MNAT1: variants seen among roughly 807,000 people sequenced by gnomAD.
MNAT1 encodes the protein MNAT1 component of CDK activating kinase, also known as CDK-activating kinase assembly factor MAT1.
Under a neutral mutation model 42.0 loss-of-function variants are expected in MNAT1, and 43 were observed. The observed-to-expected ratio is 1.02, with a 90% CI of 0.80 to 1.32. The LOEUF is 1.32. MNAT1 is among the 40% of genes most tolerant of loss of function. The pLI, the probability that MNAT1 is intolerant of heterozygous loss-of-function variation, is 0.00. For missense variants in MNAT1, 306 were observed against 350.4 expected, an observed-to-expected ratio of 0.87 and a Z score of 1.01; for synonymous variants, 118 against 120.0, an observed-to-expected ratio of 0.98 and a Z score of 0.11.
intron 6 of MNAT1, among the ~76,000 whole-genome samples, chr14:60,873,274 CTTGCAGTATGTTTT>C (rs1175949729): frequency 6.6e-6 from 1 of 151,592 alleles, no homozygotes; most frequent in African/African-American, 2.4e-5. Flanking sequence ...GGCCACTTGT[CTTGCAGTATGTTTT>C]TTTCTGATTT....
At chr14:60,922,286 T>C (rs1251272375) in intron 7 of MNAT1, among the ~76,000 whole-genome samples, 1 of 152,166 alleles carries the variant, frequency 6.6e-6, no homozygotes, top group Non-Finnish European at 1.5e-5. Context: ...AGTTTTCTAT[T>C]GCTCATGATG....
rs753963139 is a variant in MNAT1, at chr14:60,808,451, C to T, written c.420+23C>T. On this transcript the variant is annotated intron_variant, in intron 4 of 7. Transcript: ENST00000261245. ...CTGGTCGGTTGCTAAGTATTTTCTT[C>T]TTATTTTGTCTTAGAAACAAATGTT... The T allele has an allele frequency of 3.0e-6, 4 of 1,331,586 alleles. No homozygotes were observed. In the Admixed American group the frequency reaches 9.4e-5, roughly 31 times the overall value. The allele number at this position is 1,331,586 out of a possible 1,614,324, so 82.5% of individuals were successfully genotyped here. A position where few individuals can be genotyped will look rare whatever the true frequency, so the allele number is the denominator to read the frequency against.
At chr14:60,889,415 T>C (rs2034775629) in intron 7 of MNAT1, among the ~76,000 whole-genome samples, 1 of 152,150 alleles carries the variant, frequency 6.6e-6, no homozygotes, top group South Asian at 2.1e-4. Flanking sequence ...AAGCTGAAAC[T>C]GGATCCCTTC....
At chr14:60,950,585 A>G (rs1013957264) in intron 7 of MNAT1, among the ~76,000 whole-genome samples, 2 of 152,092 alleles carry the variant, frequency 1.3e-5, no homozygotes, top group African/African-American at 4.8e-5. Flanking sequence ...TTAAAACATT[A>G]TGACTTTTTG....
At position 60,839,961 on chromosome 14, in the gene MNAT1, G is replaced by A. The variant is rs552169406; in HGVS notation, c.687+21114G>A. ...TGAGCCGTGCACAGCGTATCAGGCC[G>A]AGGGGGTGGAATGAGCCCAGCGGGC... On this transcript the variant is annotated intron_variant, in intron 6 of 7. Coordinates refer to ENST00000261245, the MANE Select transcript of MNAT1 (RefSeq NM_002431.4). 2.1e-3 allele frequency among the ~76,000 whole-genome samples: 323 copies of A among 152,340 alleles called. 2 individuals carry two copies. Among genetic ancestry groups the A allele is most frequent in the African/African-American group, 7.4e-3 (308 of 41,586 alleles).
intron 1 of MNAT1, among the ~76,000 whole-genome samples, chr14:60,763,341 G>A (rs1029155226): frequency 6.6e-6 from 1 of 152,132 alleles, no homozygotes; most frequent in Non-Finnish European, 1.5e-5. Context: ...TTAAAGTGGA[G>A]TGGTTTATTA....
chr14:60,841,564 T>C (rs2033554416), intron 6 of MNAT1, among the ~76,000 whole-genome samples: 3 of 152,196 alleles, frequency 2.0e-5, no homozygotes, highest in Admixed American at 2.0e-4. Flanking sequence ...ATATTTATGC[T>C]AGCTGTATTA....
intron 7 of MNAT1, among the ~76,000 whole-genome samples, chr14:60,920,547 G>A (rs986117189): frequency 3.9e-5 from 6 of 151,996 alleles, no homozygotes; most frequent in African/African-American, 1.5e-4. Context: ...AGCCTCCTGA[G>A]TAGCTGGGAT....
chr14:60,802,574 C>T (rs1371329090), intron 3 of MNAT1, among the ~76,000 whole-genome samples: 1 of 151,938 alleles, frequency 6.6e-6, no homozygotes, highest in Non-Finnish European at 1.5e-5. Context: ...GGGGCCATTA[C>T]AGTAATTTGG....
chr14:60,923,544 A>G (rs1332523175), intron 7 of MNAT1, among the ~76,000 whole-genome samples: 1 of 152,244 alleles, frequency 6.6e-6, no homozygotes, highest in African/African-American at 2.4e-5. Flanking sequence ...CATCATTTAC[A>G]GTATTTCATA....
intron 6 of MNAT1, among the ~76,000 whole-genome samples, chr14:60,848,797 G>A (rs533564218): frequency 3.3e-5 from 5 of 152,146 alleles, no homozygotes; most frequent in Admixed American, 3.3e-4. Flanking sequence ...ATCTTAATAA[G>A]ATGTTTTCCT....
At chr14:60,780,068 A>G (rs2140313409) in intron 1 of MNAT1, 1 of 1,474,274 alleles carries the variant, frequency 6.8e-7, no homozygotes, top group Non-Finnish European at 9.5e-7. Flanking sequence ...CATCAACAGC[A>G]TTTTATATCA....
At chr14:60,963,496 C>G (rs1026410470) in intron 7 of MNAT1, among the ~76,000 whole-genome samples, 13 of 152,106 alleles carry the variant, frequency 8.5e-5, no homozygotes, top group Admixed American at 3.9e-4. Flanking sequence ...CACTGTTGCT[C>G]TGGTTGTTTT....
chr14:60,782,523 T>G (rs1049462377), intron 1 of MNAT1, among the ~76,000 whole-genome samples: 1 of 152,194 alleles, frequency 6.6e-6, no homozygotes, highest in Non-Finnish European at 1.5e-5. Context: ...CTTTAACAGT[T>G]GTAATCCTTG....
intron 7 of MNAT1, among the ~76,000 whole-genome samples, chr14:60,888,713 C>G (rs2034751502): frequency 7.1e-6 from 1 of 141,112 alleles, no homozygotes; most frequent in South Asian, 2.5e-4. Flanking sequence ...CGTCTCAGCC[C>G]AAAATCTCCT....
intron 3 of MNAT1, among the ~76,000 whole-genome samples, chr14:60,799,780 G>A (rs1251557098): frequency 6.6e-6 from 1 of 151,818 alleles, no homozygotes. Context: ...TAATTTGAAG[G>A]TGTGGACAAC....
At chr14:60,783,965 G>A (rs920733300) in intron 1 of MNAT1, among the ~76,000 whole-genome samples, 1 of 151,998 alleles carries the variant, frequency 6.6e-6, no homozygotes, top group African/African-American at 2.4e-5. Flanking sequence ...AAGTAGCTGG[G>A]ACTACAGGCC....
chr14:60,890,436 A>G (rs1056632788), intron 7 of MNAT1, among the ~76,000 whole-genome samples: 16 of 152,172 alleles, frequency 1.1e-4, no homozygotes, highest in Non-Finnish European at 1.8e-4. Flanking sequence ...AGAGGGACAG[A>G]ACTAATAGAT....
At chr14:60,829,949 T>C (rs1334185012) in intron 6 of MNAT1, among the ~76,000 whole-genome samples, 1 of 152,132 alleles carries the variant, frequency 6.6e-6, no homozygotes, top group East Asian at 1.9e-4. Context: ...TGCAAAGCAG[T>C]GGTTGCTGTT....
Sources: gnomAD v4.1 joint callset for allele counts (sites outside exome capture counted in the v4.1 genomes callset) on GRCh38, gnomAD v4.1.1 for gene constraint, MANE v1.5 for transcripts, NCBI Gene and HGNC (gene_info 2026-07-23, HGNC 2026-07-21) for gene names.